Variants in CALD1 observed in about 807,000 individuals in gnomAD.
CALD1 encodes caldesmon 1.
CALD1 carries 33 observed loss-of-function variants against 99.9 expected under a neutral mutation model. That is an observed-to-expected ratio of 0.33 (90% CI 0.25 to 0.44). The LOEUF (loss-of-function observed/expected upper bound fraction) is 0.44. CALD1 is among the 20% of genes least tolerant of loss of function. The probability of loss-of-function intolerance (pLI) is 1.00; values close to 1 mark genes in which losing one functional copy is unlikely to be tolerated. For missense variants in CALD1, 861 were observed against 962.1 expected (o/e 0.89, Z 1.39); for synonymous variants, 310 against 325.0 (o/e 0.95, Z 0.50).
chr7:134,757,785 A>G (rs1293655159), intron 1 of CALD1, among the ~76,000 whole-genome samples: 1 of 152,118 alleles, frequency 6.6e-6, no homozygotes, highest in Non-Finnish European at 1.5e-5. Context: ...AGGCTGAGGC[A>G]GGAGAATTGC....
In CALD1 at chr7:134,958,872, AATATATATATATATAT is replaced by A. The variant is rs58837080; in HGVS notation, c.2061+605_2061+620del. On this transcript the variant is annotated intron_variant, in intron 11 of 14. Transcript: ENST00000361675. ...TAACGAATGGGTTTACTGGTATTTA[AATATATATATATATAT>A]ATATATATATATATATATATATTTA... Among the ~76,000 whole-genome samples, 331 of 124,852 alleles carry A rather than the reference AATATATATATATATAT, an allele frequency of 2.7e-3. 3 individuals carry two copies. Among genetic ancestry groups the A allele is most frequent in the East Asian group, 7.7e-3 (30 of 3,912 alleles). The allele number at this position is 124,852 out of a possible 152,430, so 81.9% of individuals were successfully genotyped here.
intron 13 of CALD1, chr7:134,961,244 A>G (rs1294837409): frequency 6.6e-6 from 1 of 152,256 alleles, no homozygotes; most frequent in Non-Finnish European, 1.5e-5. Context: ...CAGCTATCTT[A>G]CTAAAAAGTA....
In CALD1 at chr7:134,849,615, T is replaced by A. The variant is rs75447729; in HGVS notation, c.-42+5644T>A. On this transcript the variant is annotated intron_variant, in intron 2 of 14. Coordinates refer to ENST00000361675, the MANE Select transcript of CALD1 (RefSeq NM_033138.4). ...TTTTTTTAATTGCGTTGGTTTTTTT[T>A]AAAAATATATTTTTCTATCCCTGGT... 5.9e-3 allele frequency among the ~76,000 whole-genome samples: 897 copies of A among 152,300 alleles called. 9 individuals carry two copies. Among genetic ancestry groups the A allele is most frequent in the African/African-American group, 0.019 (802 of 41,554 alleles).
chr7:134,894,897 A>G (rs1443202345), intron 3 of CALD1, among the ~76,000 whole-genome samples: 1 of 152,098 alleles, frequency 6.6e-6, no homozygotes, highest in Non-Finnish European at 1.5e-5. Flanking sequence ...TTAGTCCATA[A>G]AGGGTTATTT....
At chr7:134,901,760 G>A (rs528970158) in intron 3 of CALD1, among the ~76,000 whole-genome samples, 44 of 152,102 alleles carry the variant, frequency 2.9e-4, no homozygotes, top group Middle Eastern at 6.8e-3. Context: ...TTAGGCCATC[G>A]TAACTCCAGT....
At chr7:134,871,738 G>A (rs2132350464) in intron 3 of CALD1, among the ~76,000 whole-genome samples, 2 of 152,088 alleles carry the variant, frequency 1.3e-5, no homozygotes, top group African/African-American at 4.8e-5. Flanking sequence ...AAAATACCCT[G>A]TTATTTTTAT....
chr7:134,756,929 G>T (rs1183377859), intron 1 of CALD1, among the ~76,000 whole-genome samples: 2 of 152,164 alleles, frequency 1.3e-5, no homozygotes, highest in African/African-American at 4.8e-5. Flanking sequence ...ACTGAAAGTA[G>T]CGCTATGCGT....
chr7:134,724,775 A>G, the CALD1 span, among the ~76,000 whole-genome samples: 1 of 152,200 alleles, frequency 6.6e-6, no homozygotes, highest in South Asian at 2.1e-4. Flanking sequence ...AGAACAATCC[A>G]GTATGCTTCA....
chr7:134,884,801 G>A (rs952846134), intron 3 of CALD1, among the ~76,000 whole-genome samples: 3 of 152,102 alleles, frequency 2.0e-5, no homozygotes, highest in African/African-American at 4.8e-5. Flanking sequence ...TGTATCAGGT[G>A]CAAAAGTGGT....
At chr7:134,897,807 A>G (rs2132567521) in intron 3 of CALD1, among the ~76,000 whole-genome samples, 1 of 152,156 alleles carries the variant, frequency 6.6e-6, no homozygotes, top group South Asian at 2.1e-4. Flanking sequence ...CCTGGGCTTA[A>G]GCGATCCTCC....
chr7:134,841,133 T>C (rs1215025402), intron 1 of CALD1, among the ~76,000 whole-genome samples: 7 of 152,188 alleles, frequency 4.6e-5, no homozygotes, highest in Non-Finnish European at 7.3e-5. Flanking sequence ...ATCATCTGAA[T>C]TGAGTACTGT....
At chr7:134,763,739 G>A (rs1796798945) in intron 1 of CALD1, among the ~76,000 whole-genome samples, 1 of 152,002 alleles carries the variant, frequency 6.6e-6, no homozygotes, top group Non-Finnish European at 1.5e-5. Context: ...CTAACATGGT[G>A]AAACCCCGTC....
chr7:134,951,847 T>A (rs1807363012), intron 9 of CALD1, among the ~76,000 whole-genome samples: 1 of 152,262 alleles, frequency 6.6e-6, no homozygotes, highest in African/African-American at 2.4e-5. Context: ...ATTGAGCATC[T>A]AGCACAGTGC....
At chr7:134,840,320 CTGGTTGTTTTGA>C (rs1346574020) in intron 1 of CALD1, among the ~76,000 whole-genome samples, 2 of 152,160 alleles carry the variant, frequency 1.3e-5, no homozygotes, top group African/African-American at 4.8e-5. Flanking sequence ...GTCTTACCTT[CTGGTTGTTTTGA>C]TAGAGTTGGG....
chr7:134,860,801 C>T (rs545926432), intron 2 of CALD1, among the ~76,000 whole-genome samples: 2 of 152,194 alleles, frequency 1.3e-5, no homozygotes, highest in South Asian at 2.1e-4. Flanking sequence ...GGAATTGTCG[C>T]TTTTAAGCTA....
chr7:134,784,304 T>A (rs1267165382), intron 1 of CALD1, among the ~76,000 whole-genome samples: 1 of 152,226 alleles, frequency 6.6e-6, no homozygotes, highest in East Asian at 1.9e-4. Context: ...CACCCACATA[T>A]AACATTCCCC....
At chr7:134,829,945 G>C (rs913844847) in intron 1 of CALD1, among the ~76,000 whole-genome samples, 7 of 152,096 alleles carry the variant, frequency 4.6e-5, no homozygotes, top group African/African-American at 1.7e-4. Flanking sequence ...CGGTAGATGA[G>C]GAAGGAGGAA....
At chr7:134,908,865 G>A (rs1385833051) in intron 3 of CALD1, among the ~76,000 whole-genome samples, 1 of 152,024 alleles carries the variant, frequency 6.6e-6, no homozygotes, top group Non-Finnish European at 1.5e-5. Context: ...TCCCAAGTTG[G>A]TAGATTCAGT....
intron 2 of CALD1, among the ~76,000 whole-genome samples, chr7:134,856,964 T>G (rs1800328497): frequency 6.6e-6 from 1 of 152,156 alleles, no homozygotes; most frequent in African/African-American, 2.4e-5. Flanking sequence ...AACAGTCAGT[T>G]AAGAACTTTG....
Sources: gnomAD v4.1 joint callset for allele counts (sites outside exome capture counted in the v4.1 genomes callset) on GRCh38, gnomAD v4.1.1 for gene constraint, MANE v1.5 for transcripts, NCBI Gene and HGNC (gene_info 2026-07-23, HGNC 2026-07-21) for gene names.